The following PTGR2 variants were observed in gnomAD, a reference collection of about 807,000 sequenced individuals.
PTGR2 encodes 15-oxoprostaglandin 13-reductase.
Under a neutral mutation model 43.4 loss-of-function variants are expected in PTGR2, and 32 were observed. That is an observed-to-expected ratio of 0.74 (90% CI 0.56 to 0.99). PTGR2 has a LOEUF of 0.99. PTGR2 is among the 50% of genes least tolerant of loss of function. The pLI, the probability that PTGR2 is intolerant of heterozygous loss-of-function variation, is 0.00. For missense variants in PTGR2, 373 were observed against 420.0 expected, an observed-to-expected ratio of 0.89 and a Z score of 0.98; for synonymous variants, 106 against 139.2, an observed-to-expected ratio of 0.76 and a Z score of 1.68.
intron 1 of PTGR2, among the ~76,000 whole-genome samples, chr14:73,852,712 A>G (rs2054257786): frequency 6.6e-6 from 1 of 152,202 alleles, no homozygotes; most frequent in Non-Finnish European, 1.5e-5. Context: ...GTCACTGAGA[A>G]AGGGAAGAGC....
In PTGR2 at chr14:73,884,135, TG is replaced by T. The variant is rs1595376294; in HGVS notation, c.1016del (p.Gly339GlufsTer4). The T allele has an allele frequency of 6.2e-7, 1 of 1,608,896 alleles. No individual in the cohort carries two copies. The highest frequency in any genetic ancestry group is 2.2e-5 in the East Asian group (1 of 44,668). On this transcript the variant is annotated frameshift_variant, in exon 10 of 10. Coordinates refer to ENST00000555661, the MANE Select transcript of PTGR2 (RefSeq NM_001146154.2). Reference protein sequence around the residue: ...FQSMMTGGNIGKQIVCISEEI... With the variant: ...FQSMMTGGNIXKQIVCISEEI... Reference sequence around the variant, plus strand: ...AGTCCATGATGACAGGAGGTAACATTGGAAAGCAGATAGTTTGCATTTCAGA... The same window carrying T: ...AGTCCATGATGACAGGAGGTAACATTGAAAGCAGATAGTTTGCATTTCAGA...
At chr14:73,880,464 A>G (rs1317134862) in intron 7 of PTGR2, among the ~76,000 whole-genome samples, 3 of 151,744 alleles carry the variant, frequency 2.0e-5, no homozygotes, top group Non-Finnish European at 4.4e-5. Flanking sequence ...AATCCCAGCT[A>G]CTTGGGAGGC....
intron 1 of PTGR2, 130 bp from the exon 2 acceptor site, chr14:73,858,686 G>A (rs780450403): frequency 1.3e-4 from 54 of 425,946 alleles, no homozygotes; most frequent in Non-Finnish European, 2.1e-4. Flanking sequence ...TCTGACAGGC[G>A]AGTTTATCTT....
At position 73,879,115 on chromosome 14, in the gene PTGR2, G is replaced by T. The variant is rs201747180; in HGVS notation, c.539G>T (p.Cys180Phe). Residue 180 changes from cysteine (C) to phenylalanine (F), a missense_variant, in exon 6 of 10, where the codon TGT (cysteine) becomes TTT (phenylalanine). Cys to Phe is a radical substitution (Grantham distance 205). Coordinates refer to ENST00000555661, the MANE Select transcript of PTGR2 (RefSeq NM_001146154.2). ...VAGQIGHFLGCSRVVGICGTH... is the reference protein window; with the variant it reads ...VAGQIGHFLGFSRVVGICGTH... The stretch of plus-strand genomic sequence containing the variant: ...CCCTAGATTGGCCATTTCTTAGGTT[G>T]TTCCAGAGTGGTGGGAATTTGTGGA... 5.0e-6 allele frequency: 8 copies of T among 1,614,056 alleles called. No homozygotes were observed. The highest frequency in any genetic ancestry group is 6.8e-6 in the Non-Finnish European group (8 of 1,179,992).
At position 73,881,288 on chromosome 14, in the gene PTGR2, TA is replaced by T; in HGVS notation, c.938del (p.Lys313ArgfsTer6). On this transcript the variant is annotated frameshift_variant, in exon 8 of 10. Transcript: ENST00000555661. ...QLSQWFKEGK[L>X]KIKETVINGL... ...AGTCAGTGGTTTAAAGAAGGAAAGC[TA>T]AAGGTAGAACTTCTATTCTTTATCA... 1 of 1,578,156 alleles carries T rather than the reference TA, an allele frequency of 6.3e-7. No individual in the cohort carries two copies.
At chr14:73,883,188 CTTTTTTTTTTTTTTTT>C (rs58234739) in intron 9 of PTGR2, among the ~76,000 whole-genome samples, 16 of 58,150 alleles carry the variant, frequency 2.8e-4, no homozygotes, top group African/African-American at 1.0e-3. Flanking sequence ...CCTCACCTCC[CTTTTTTTTTTTTTTTT>C]TTTTTTTTTT....
At chr14:73,875,820 CTT>C (rs953891690) in intron 4 of PTGR2, among the ~76,000 whole-genome samples, 3 of 94,386 alleles carry the variant, frequency 3.2e-5, no homozygotes, top group Admixed American at 2.7e-4. Flanking sequence ...TTAAAAGTTT[CTT>C]TTTTTTTTTT....
At position 73,858,879 on chromosome 14, in the gene PTGR2, T is replaced by C. The variant is rs748029082; in HGVS notation, c.17T>C (p.Val6Ala). Residue 6 changes from valine (V) to alanine (A), a missense_variant, in exon 2 of 10, where the codon GTG (valine) becomes GCG (alanine). Coordinates refer to ENST00000555661, the MANE Select transcript of PTGR2 (RefSeq NM_001146154.2). MIVQRVVLNSRPGKNG... is the reference protein window; with the variant it reads MIVQRAVLNSRPGKNG... The stretch of plus-strand genomic sequence containing the variant: ...ACCAGAGCAATGATTGTTCAAAGAG[T>C]GGTATTGAATTCTCGACCTGGTATG... The C allele has an allele frequency of 1.9e-6, 3 of 1,611,604 alleles. No homozygotes were observed. Among genetic ancestry groups the C allele is most frequent in the Non-Finnish European group, 8.5e-7 (1 of 1,178,498 alleles).
chr14:73,872,259 G>A (rs1048217677), intron 3 of PTGR2, among the ~76,000 whole-genome samples: 2 of 152,156 alleles, frequency 1.3e-5, no homozygotes, highest in Non-Finnish European at 2.9e-5. Context: ...CATGAAATAG[G>A]GAGCGTACTT....
At chr14:73,869,923 C>T (rs1011685298) in intron 3 of PTGR2, among the ~76,000 whole-genome samples, 5 of 151,758 alleles carry the variant, frequency 3.3e-5, no homozygotes, top group Admixed American at 2.6e-4. Flanking sequence ...CTACTCAGGA[C>T]GCTGAGGCAG....
chr14:73,866,803 A>G (rs2054604776), intron 3 of PTGR2, among the ~76,000 whole-genome samples: 2 of 152,042 alleles, frequency 1.3e-5, no homozygotes, highest in Non-Finnish European at 1.5e-5. Context: ...ATGTAGAAGA[A>G]GGTTGCTGGG....
chr14:73,866,247 A>T (rs780192402), intron 3 of PTGR2, among the ~76,000 whole-genome samples: 1 of 151,860 alleles, frequency 6.6e-6, no homozygotes, highest in South Asian at 2.1e-4. Context: ...CAGGTGATCC[A>T]CCCACCTCGG....
intron 2 of PTGR2, among the ~76,000 whole-genome samples, chr14:73,859,585 C>T (rs1473493639): frequency 6.6e-6 from 1 of 151,742 alleles, no homozygotes; most frequent in Non-Finnish European, 1.5e-5. Flanking sequence ...ATTATTATTA[C>T]TTTTATATTC....
At position 73,879,177 on chromosome 14, in the gene PTGR2, G is replaced by A. The variant is rs1185888927; in HGVS notation, c.601G>A (p.Gly201Ser). ...ATGCATCCTCTTGACCTCAGAACTG[G>A]GCTTTGATGCTGCAATTAATTATAA... ...EKCILLTSEL[G>S]FDAAINYKKD... Residue 201 changes from glycine (G) to serine (S), a missense_variant, in exon 6 of 10, where the codon GGC (glycine) becomes AGC (serine). Gly to Ser is a moderately conservative substitution (Grantham distance 56). Coordinates refer to ENST00000555661, the MANE Select transcript of PTGR2 (RefSeq NM_001146154.2). The A allele has an allele frequency of 1.2e-6, 2 of 1,613,954 alleles. No individual in the cohort carries two copies. Among genetic ancestry groups the A allele is most frequent in the South Asian group, 2.2e-5 (2 of 91,080 alleles).
chr14:73,875,731 G>A lies in PTGR2; in HGVS notation c.349-1267G>A, dbSNP rs145182249. On this transcript the variant is annotated intron_variant, in intron 4 of 9. Transcript: ENST00000555661. ...TTGTTGCCAAGTATTTTTCTGTTAA[G>A]CACTTCCTTTTTTTTTTTTTTTCCC... is the stretch of plus-strand genomic sequence containing the variant. Among the ~76,000 whole-genome samples, 370 of 135,988 alleles carry A rather than the reference G, an allele frequency of 2.7e-3. 2 individuals are homozygous for A. The highest frequency in any genetic ancestry group is 9.1e-3 in the African/African-American group (352 of 38,636). The allele number at this position is 135,988 out of a possible 152,430, so 89.2% of individuals were successfully genotyped here. A position where few individuals can be genotyped will look rare whatever the true frequency, so the allele number is the denominator to read the frequency against.
At position 73,865,876 on chromosome 14, in the gene PTGR2, G is replaced by T. The variant is rs554070782; in HGVS notation, c.156+5219G>T. 1.5e-4 allele frequency among the ~76,000 whole-genome samples: 23 copies of T among 152,196 alleles called. No individual in the cohort carries two copies. In the East Asian group the frequency reaches 4.0e-3, roughly 27 times the overall value. ...AAACCAACTGACCATAAATATGAGGGTTTATTTCTGGACTTTCAACTCTAT... is the reference window on the plus strand; with the variant it reads ...AAACCAACTGACCATAAATATGAGGTTTTATTTCTGGACTTTCAACTCTAT... On this transcript the variant is annotated intron_variant, in intron 3 of 9. Coordinates refer to ENST00000555661, the MANE Select transcript of PTGR2 (RefSeq NM_001146154.2).
At chr14:73,855,860 A>G (rs1282649373) in intron 1 of PTGR2, among the ~76,000 whole-genome samples, 1 of 149,526 alleles carries the variant, frequency 6.7e-6, no homozygotes, top group African/African-American at 2.4e-5. Flanking sequence ...GTTTGAGAAC[A>G]GCCTGACCAA....
chr14:73,857,311 C>T lies in PTGR2; in HGVS notation c.-47-1505C>T, dbSNP rs575959228. 2.2e-3 allele frequency among the ~76,000 whole-genome samples: 327 copies of T among 149,620 alleles called. 3 individuals are homozygous for T. The highest frequency in any genetic ancestry group is 7.6e-3 in the African/African-American group (310 of 40,544). ...CATTTTGATGAACGAATAGAAGAGC[C>T]TTTGAAAATTTGGTTACGTGGCTGG... On this transcript the variant is annotated intron_variant, in intron 1 of 9. Coordinates refer to ENST00000555661, the MANE Select transcript of PTGR2 (RefSeq NM_001146154.2).
At chr14:73,879,917 C>T (rs965341794) in intron 6 of PTGR2, 138 bp from the exon 7 acceptor site, 55 of 721,924 alleles carry the variant, frequency 7.6e-5, no homozygotes, top group Non-Finnish European at 1.0e-4. Context: ...TTCTTAAATA[C>T]CTCTAACAGG....
Sources: allele counts gnomAD v4.1 joint callset (sites outside exome capture counted in the v4.1 genomes callset), GRCh38; gene constraint gnomAD v4.1.1; transcripts MANE v1.5; gene names NCBI Gene and HGNC (gene_info 2026-07-23, HGNC 2026-07-21).